ALDH1L1: variants seen among roughly 807,000 people sequenced by gnomAD.
The protein encoded by ALDH1L1 is aldehyde dehydrogenase 1 family member L1.
A neutral mutation model predicts 101.1 loss-of-function variants in ALDH1L1; 68 were observed. That is an observed-to-expected ratio of 0.67 (90% confidence interval 0.55 to 0.82). The LOEUF (loss-of-function observed/expected upper bound fraction) is 0.82, where lower values mean the gene tolerates loss of function less well. Among genes scored for constraint, ALDH1L1 ranks in the 40% least tolerant of loss-of-function variants. The pLI is 0.00. For missense variants in ALDH1L1, 1,087 were observed against 1,172.7 expected (o/e 0.93, Z 1.07); for synonymous variants, 486 against 470.8 (o/e 1.03, Z -0.42).
intron 8 of ALDH1L1, among the ~76,000 whole-genome samples, chr3:126,149,254 G>T (rs371420676): frequency 1.3e-5 from 2 of 152,246 alleles, no homozygotes; most frequent in African/African-American, 4.8e-5. Context: ...GTTCCTCAAA[G>T]ATGCCAGCTA....
chr3:126,180,366 G>A (rs974679192), intron 1 of ALDH1L1, 110 bp downstream of exon 1: 1 of 838,272 alleles, frequency 1.2e-6, no homozygotes, highest in Non-Finnish European at 1.4e-6. Flanking sequence ...AGCCCTTGCG[G>A]TGAGAACCGA....
At chr3:126,172,069 C>T (rs2081287901) in intron 1 of ALDH1L1, among the ~76,000 whole-genome samples, 2 of 152,198 alleles carry the variant, frequency 1.3e-5, no homozygotes, top group African/African-American at 4.8e-5. Context: ...ACAGCTATAG[C>T]AAATAGTAAA....
intron 1 of ALDH1L1, among the ~76,000 whole-genome samples, chr3:126,175,791 G>T (rs1384798533): frequency 6.6e-6 from 1 of 152,122 alleles, no homozygotes; most frequent in Non-Finnish European, 1.5e-5. Context: ...ATAAGGCAAG[G>T]ATGTTCCCTT....
At chr3:126,163,951 T>C (rs1424720734) in intron 1 of ALDH1L1, among the ~76,000 whole-genome samples, 1 of 151,936 alleles carries the variant, frequency 6.6e-6, no homozygotes, top group Non-Finnish European at 1.5e-5. Flanking sequence ...CTGGGCAACA[T>C]AGTGAGACCC....
intron 10 of ALDH1L1, 52 bp from the exon 11 acceptor site, chr3:126,136,935 C>G (rs1328779977): frequency 6.2e-6 from 10 of 1,607,366 alleles, no homozygotes; most frequent in Non-Finnish European, 7.6e-6. Flanking sequence ...GTGCAGGAAG[C>G]ATACACAGAT....
At position 126,157,461 on chromosome 3, in the gene ALDH1L1, G is replaced by T. The variant is rs1158482557; in HGVS notation, c.410C>A (p.Ala137Glu). 1.2e-6 allele frequency: 2 copies of T among 1,614,014 alleles called. No homozygotes were observed. Among genetic ancestry groups the T allele is most frequent in the Admixed American group, 1.7e-5 (1 of 60,016 alleles). ...DKKGGFSIFWADDGLDTGDLL... is the reference protein window; with the variant it reads ...DKKGGFSIFWEDDGLDTGDLL... The stretch of plus-strand genomic sequence containing the variant: ...GTCTCCGGTGTCCAGACCATCATCC[G>T]CCCAGAAGATGGAAAACCCCCCTTT... The change falls in exon 4 of 23, where the codon GCG becomes GAG. Residue 137 changes from alanine (A) to glutamate (E), a missense_variant. By Grantham distance (107) the Ala-to-Glu change is moderately radical. This residue lies in a region of ALDH1L1 where 645 missense variants were observed against 637.0 expected (regional missense o/e 1.01). Transcript: ENST00000393434.
At chr3:126,117,453 G>C (rs1211565343) in intron 17 of ALDH1L1, among the ~76,000 whole-genome samples, 1 of 151,908 alleles carries the variant, frequency 6.6e-6, no homozygotes, top group Non-Finnish European at 1.5e-5. Context: ...CCAGGAGTTT[G>C]AGACCAGTCT....
chr3:126,181,169 C>T (rs552203938), upstream of ALDH1L1: 6 of 680,202 alleles, frequency 8.8e-6, no homozygotes, highest in Middle Eastern at 4.0e-4. Context: ...CCCTTCTACT[C>T]AGTCCTGGTG....
At chr3:126,132,417 A>T (rs906062948) in intron 12 of ALDH1L1, among the ~76,000 whole-genome samples, 2 of 152,092 alleles carry the variant, frequency 1.3e-5, no homozygotes, top group African/African-American at 2.4e-5. Flanking sequence ...GCCACTCAGG[A>T]TGCATCTGCA....
chr3:126,114,786 T>TCCCCCCCCCCCCCC, intron 17 of ALDH1L1, 130 bp from the exon 18 acceptor site: 1 of 802,596 alleles, frequency 1.2e-6, no homozygotes, highest in Non-Finnish European at 2.1e-6. Flanking sequence ...GGCCAGTGCC[T>TCCCCCCCCCCCCCC]CCCCACTCCC....
intron 1 of ALDH1L1, among the ~76,000 whole-genome samples, chr3:126,165,787 G>T (rs2081155935): frequency 6.6e-6 from 1 of 152,006 alleles, no homozygotes; most frequent in Admixed American, 6.5e-5. Flanking sequence ...TGCCATTTTT[G>T]ACTATACTTA....
In ALDH1L1 at chr3:126,193,617, A is replaced by G. The variant is rs558637144; in HGVS notation, c.-24+4118T>C. 2.6e-5 allele frequency among the ~76,000 whole-genome samples: 4 copies of G among 152,292 alleles called. No homozygotes were observed. The East Asian group carries it at 7.7e-4, about 29-fold the overall frequency. On this transcript the variant is annotated intron_variant, in intron 1 of 2. Coordinates refer to the ALDH1L1 transcript ENST00000509952. ...ATGTTTCTTTCGGCTGGGCTCAGGA[A>G]GGACAAGGCAGCCATCCTGGTTCTC...
chr3:126,124,935 C>T (rs1476764248), intron 15 of ALDH1L1, among the ~76,000 whole-genome samples: 1 of 152,190 alleles, frequency 6.6e-6, no homozygotes, highest in South Asian at 2.1e-4. Flanking sequence ...CGCGAAATTA[C>T]CCCAAAGAAG....
At chr3:126,148,954 C>A (rs1404422430) in intron 8 of ALDH1L1, among the ~76,000 whole-genome samples, 1 of 152,168 alleles carries the variant, frequency 6.6e-6, no homozygotes, top group Non-Finnish European at 1.5e-5. Context: ...TCACCTGAAC[C>A]AGCCAATCAG....
At chr3:126,156,680 T>C (rs4234273) in intron 4 of ALDH1L1, 51,224 of 152,208 alleles carry the variant, frequency 0.34, 10,246 homozygotes, top group South Asian at 0.49. Context: ...TGAGCCGCCC[T>C]GCCGCTCAGG....
In ALDH1L1 at chr3:126,188,198, C is replaced by T. The variant is rs546137114; in HGVS notation, c.-24+9537G>A. Among the ~76,000 whole-genome samples, 146 of 152,316 alleles carry T rather than the reference C, an allele frequency of 9.6e-4. 1 individual carries two copies. The highest frequency in any genetic ancestry group is 3.4e-3 in the Middle Eastern group (1 of 294). On this transcript the variant is annotated intron_variant, in intron 1 of 2. Coordinates refer to the ALDH1L1 transcript ENST00000509952. ...AACGCAGGTTGGACCTGTGCGGGTC[C>T]ATGTTTGCAGGATTTTTAAAATAAA...
intron 14 of ALDH1L1, chr3:126,128,354 C>T (rs1272855807): frequency 6.6e-6 from 1 of 152,362 alleles, no homozygotes; most frequent in Non-Finnish European, 1.5e-5. Context: ...ATGCTGTGCC[C>T]TAGACACCTG....
Position 126,114,592 on chromosome 3 carries a change from AGATGATGAG to A in ALDH1L1, c.2038_2046del (p.Leu680_Ile682del). On this transcript the variant is annotated inframe_deletion, in exon 18 of 23. Transcript: ENST00000393434. Reference sequence around the variant, plus strand: ...GCCTTGTTGAGGTCACAGTCAGCAAAGATGATGAGGGGTGACTTCCCGCCCAGTTCCAGG... The same window carrying A: ...GCCTTGTTGAGGTCACAGTCAGCAAAGGGTGACTTCCCGCCCAGTTCCAGG... The A allele has an allele frequency of 6.6e-7, 1 of 1,510,428 alleles. No homozygotes were observed. Among genetic ancestry groups the A allele is most frequent in the Non-Finnish European group, 8.9e-7 (1 of 1,129,200 alleles). 93.6% of individuals were successfully genotyped at this position (1,510,428 alleles called of 1,614,324 possible).
At chr3:126,156,537 C>G (rs1203550322) in intron 4 of ALDH1L1, 1 of 152,388 alleles carries the variant, frequency 6.6e-6, no homozygotes, top group Non-Finnish European at 1.5e-5. Flanking sequence ...CTGCCTGTGG[C>G]CGTCCCTGCC....
Sources: gnomAD v4.1 joint callset for allele counts (sites outside exome capture counted in the v4.1 genomes callset) on GRCh38, gnomAD v4.1.1 for gene constraint, gnomAD v4.1.1 regional missense constraint, MANE v1.5 for transcripts, NCBI Gene and HGNC (gene_info 2026-07-23, HGNC 2026-07-21) for gene names.